The following HSPA5 variants were observed in gnomAD, a reference collection of about 807,000 sequenced individuals.
HSPA5 encodes the protein endoplasmic reticulum chaperone BiP.
A neutral mutation model predicts 49.5 loss-of-function variants in HSPA5; 16 were observed. The observed-to-expected ratio is 0.32, with a 90% CI of 0.22 to 0.49. The LOEUF (loss-of-function observed/expected upper bound fraction) is 0.49. Among genes scored for constraint, HSPA5 ranks in the 20% least tolerant of loss-of-function variants. The pLI, the probability that HSPA5 is intolerant of heterozygous loss-of-function variation, is 0.99. For synonymous variants in HSPA5, 271 were observed against 307.2 expected, an observed-to-expected ratio of 0.88 and a Z score of 1.23; for missense variants, 376 against 819.0, an observed-to-expected ratio of 0.46 and a Z score of 6.60.
chr9:125,240,446 T>C lies in HSPA5; in HGVS notation c.355-137A>G. 2 of 788,520 alleles carry C rather than the reference T, an allele frequency of 2.5e-6. No individual in the cohort carries two copies. Among genetic ancestry groups the C allele is most frequent in the East Asian group, 2.6e-5 (1 of 37,826 alleles). 48.8% of individuals were successfully genotyped at this position (788,520 alleles called of 1,614,324 possible). On this transcript the variant is annotated intron_variant, in intron 2 of 7. Coordinates refer to ENST00000324460, the MANE Select transcript of HSPA5 (RefSeq NM_005347.5). This position sits in a 1 kb window ranked among gnomAD's most constrained non-coding sequence, Gnocchi z 4.4. ...TTGACTAGAAATACTTCAGGGAGTATAGGTGTCTTACAAAGTTCAGTTTTA... is the reference window on the plus strand; with the variant it reads ...TTGACTAGAAATACTTCAGGGAGTACAGGTGTCTTACAAAGTTCAGTTTTA...
Position 125,238,054 on chromosome 9 carries a change from A to T in HSPA5, c.1402+87T>A, listed in dbSNP as rs546211353. On this transcript the variant is annotated intron_variant, in intron 7 of 7. Coordinates refer to ENST00000324460, the MANE Select transcript of HSPA5 (RefSeq NM_005347.5). Reference sequence around the variant, plus strand: ...GAGACAGAATTTGCAGTGAGCCGAGATCGTGCCACTGCAGTCCAGCCTGGG... The same window carrying T: ...GAGACAGAATTTGCAGTGAGCCGAGTTCGTGCCACTGCAGTCCAGCCTGGG... 1.3e-4 allele frequency: 126 copies of T among 997,992 alleles called. No individual in the cohort carries two copies. In the Admixed American group the frequency reaches 1.3e-3, roughly 10 times the overall value. The allele number at this position is 997,992 out of a possible 1,614,324, so 61.8% of individuals were successfully genotyped here.
Position 125,235,061 on chromosome 9 carries a change from G to A in HSPA5, c.*1531C>T, listed in dbSNP as rs1194867510. On this transcript the variant is annotated 3_prime_UTR_variant, in exon 8 of 8. Transcript: ENST00000324460. ...GCCTGAGACCAGTATTCTGCTCAGG[G>A]TCTGCCCAAATGCTTTTCGGGCAGT... 6.6e-6 allele frequency: 1 copy of A among 152,156 alleles called. No homozygotes were observed. The highest frequency in any genetic ancestry group is 2.4e-5 in the African/African-American group (1 of 41,426). 9.4% of individuals were successfully genotyped at this position (152,156 alleles called of 1,614,324 possible). A position where few individuals can be genotyped will look rare whatever the true frequency, so the allele number is the denominator to read the frequency against.
rs1832497237 is a variant in HSPA5, at chr9:125,236,515, T to C, written c.*77A>G. The C allele has an allele frequency of 9.6e-6, 10 of 1,038,960 alleles. No homozygotes were observed. The highest frequency in any genetic ancestry group is 1.4e-5 in the Non-Finnish European group (10 of 710,054). The allele number at this position is 1,038,960 out of a possible 1,614,324, so 64.4% of individuals were successfully genotyped here. A position where few individuals can be genotyped will look rare whatever the true frequency, so the allele number is the denominator to read the frequency against. ...GAAGATTCCAATTACATTCGAGACT[T>C]AAGTTCTTTCAATTTTTTCCTAACA... On this transcript the variant is annotated 3_prime_UTR_variant, in exon 8 of 8. Coordinates refer to ENST00000324460, the MANE Select transcript of HSPA5 (RefSeq NM_005347.5).
In HSPA5 at chr9:125,239,812, C is replaced by G. The variant is rs531282881; in HGVS notation, c.493-279G>C. On this transcript the variant is annotated intron_variant, in intron 3 of 7. Transcript: ENST00000324460. The surrounding 1 kb of genome is among the most constrained non-coding windows in gnomAD (Gnocchi z 5.5). ...CTGAGGCAGGAGAGCTGCTTGAACC[C>G]GGGAGGCAGAGGTTGCAGTGAGCTG... is the stretch of plus-strand genomic sequence containing the variant. Among the ~76,000 whole-genome samples the G allele has an allele frequency of 3.3e-5, 5 of 151,550 alleles. No individual in the cohort carries two copies. The highest frequency in any genetic ancestry group is 9.7e-5 in the African/African-American group (4 of 41,310).
In HSPA5 at chr9:125,236,397, TTC is replaced by T. The variant is rs1588429316; in HGVS notation, c.*193_*194del. The T allele has an allele frequency of 8.2e-6, 4 of 485,526 alleles. No individual in the cohort carries two copies. 30.1% of individuals were successfully genotyped at this position (485,526 alleles called of 1,614,324 possible). A position where few individuals can be genotyped will look rare whatever the true frequency, so the allele number is the denominator to read the frequency against. ...CGCTTTTTAAGATGGCCAATTCTTC[TTC>T]TCCCCCCCACCCAAAGACATGTGAG... On this transcript the variant is annotated 3_prime_UTR_variant, in exon 8 of 8. Coordinates refer to ENST00000324460, the MANE Select transcript of HSPA5 (RefSeq NM_005347.5).
Position 125,240,910 on chromosome 9 carries a change from G to A in HSPA5, c.123-3C>T, listed in dbSNP as rs1192930486. 2 of 1,613,664 alleles carry A rather than the reference G, an allele frequency of 1.2e-6. No homozygotes were observed. The highest frequency in any genetic ancestry group is 2.7e-5 in the African/African-American group (2 of 74,944). On this transcript the variant is annotated splice_region_variant and splice_polypyrimidine_tract_variant and intron_variant, in intron 1 of 7. Coordinates refer to ENST00000324460, the MANE Select transcript of HSPA5 (RefSeq NM_005347.5). The surrounding 1 kb of genome is among the most constrained non-coding windows in gnomAD (Gnocchi z 4.4). ...GGCCGTTCTTGAACACGCCGACGCT[G>A]GCAGAAAAACCCGACAGAGGGACAT...
At chr9:125,238,402 A>G (rs1268876791) in intron 6 of HSPA5, 94 bp from the exon 7 acceptor site, 2 of 1,184,420 alleles carry the variant, frequency 1.7e-6, no homozygotes, top group African/African-American at 1.5e-5. Flanking sequence ...TCTAACACAC[A>G]CATTTTAAAG....
rs1373246412 is a variant in HSPA5, at chr9:125,240,691, C to A, written c.339G>T (p.Lys113Asn). The A allele has an allele frequency of 6.2e-7, 1 of 1,613,406 alleles. No homozygotes were observed. The highest frequency in any genetic ancestry group is 1.3e-5 in the African/African-American group (1 of 75,048). Residue 113 changes from lysine to asparagine, a missense_variant, in exon 2 of 8, where the codon AAG becomes AAT. Lys to Asn is a moderately conservative substitution (Grantham distance 94). This residue lies in a region of HSPA5 where 89 missense variants were observed against 200.0 expected (regional missense o/e 0.44). Coordinates refer to ENST00000324460, the MANE Select transcript of HSPA5 (RefSeq NM_005347.5). The surrounding 1 kb of genome is among the most constrained non-coding windows in gnomAD (Gnocchi z 4.4). ...WNDPSVQQDI[K>N]FLPFKVVEKK... ...CCGGTCGAACCTTGAACGGCAAGAA[C>A]TTGATGTCCTGCTGCACAGACGGGT...
At chr9:125,237,828 G>C (rs574207116) in intron 7 of HSPA5, among the ~76,000 whole-genome samples, 15 of 152,204 alleles carry the variant, frequency 9.9e-5, no homozygotes, top group Non-Finnish European at 1.8e-4. Context: ...TAGATCTGGC[G>C]TGGTGGCTCA....
rs754378668 is a variant in HSPA5 at position 125,238,579 on chromosome 9, T to C, written c.1234+11A>G. The stretch of plus-strand genomic sequence containing the variant: ...TGAATCACTAAGAAAGATGCTGCGA[T>C]GATGACCTACCTGTATCTTGATCAC... On this transcript the variant is annotated intron_variant, in intron 6 of 7. Transcript: ENST00000324460. The C allele has an allele frequency of 1.2e-5, 19 of 1,594,656 alleles. No individual in the cohort carries two copies. In the Middle Eastern group the frequency reaches 1.6e-3, roughly 133 times the overall value.
rs778271031 is a variant in HSPA5 at position 125,238,128 on chromosome 9, C to A, written c.1402+13G>T. On this transcript the variant is annotated intron_variant, in intron 7 of 7. Transcript: ENST00000324460. ...AAAAAAAAGCCATGATATTAACAAACTTAAGTAATTACCTTCATAGACCTT... is the reference window on the plus strand; with the variant it reads ...AAAAAAAAGCCATGATATTAACAAAATTAAGTAATTACCTTCATAGACCTT... 5 of 1,607,146 alleles carry A rather than the reference C, an allele frequency of 3.1e-6. No homozygotes were observed. In the South Asian group the frequency reaches 5.5e-5, roughly 18 times the overall value.
chr9:125,238,486 G>C, intron 6 of HSPA5, 104 bp downstream of exon 6: 2 of 1,049,682 alleles, frequency 1.9e-6, no homozygotes, highest in Non-Finnish European at 2.9e-6. Flanking sequence ...TTTACTAGCT[G>C]TGTGACCTTG....
Position 125,239,655 on chromosome 9 carries a change from G to T in HSPA5, c.493-122C>A. ...GCACTTTGGGAGGCTGAGGCAGGAG[G>T]ATCACCTGAGGGCAGGATTTCAAGA... is the stretch of plus-strand genomic sequence containing the variant. On this transcript the variant is annotated intron_variant, in intron 3 of 7. Coordinates refer to ENST00000324460, the MANE Select transcript of HSPA5 (RefSeq NM_005347.5). The surrounding 1 kb of genome is among the most constrained non-coding windows in gnomAD (Gnocchi z 5.5). The T allele has an allele frequency of 1.4e-6, 1 of 718,140 alleles. No individual in the cohort carries two copies. Among genetic ancestry groups the T allele is most frequent in the Non-Finnish European group, 2.4e-6 (1 of 415,984 alleles). The allele number at this position is 718,140 out of a possible 1,614,324, so 44.5% of individuals were successfully genotyped here.
In HSPA5 at chr9:125,240,110, T is replaced by A; in HGVS notation, c.492+62A>T. ...AACCCTTCACGAAGGCTTCTATACA[T>A]AACAGCCAACCGAGAATACTAATGA... On this transcript the variant is annotated intron_variant, in intron 3 of 7. Transcript: ENST00000324460. The surrounding 1 kb of genome is among the most constrained non-coding windows in gnomAD (Gnocchi z 4.4). 1 of 1,405,708 alleles carries A rather than the reference T, an allele frequency of 7.1e-7. No individual in the cohort carries two copies. Among genetic ancestry groups the A allele is most frequent in the African/African-American group, 1.4e-5 (1 of 69,576 alleles). 87.1% of individuals were successfully genotyped at this position (1,405,708 alleles called of 1,614,324 possible).
At position 125,237,171 on chromosome 9, in the gene HSPA5, G is replaced by GA. The variant is rs1306685581; in HGVS notation, c.1403-18dup. On this transcript the variant is annotated splice_polypyrimidine_tract_variant and intron_variant, in intron 7 of 7. Transcript: ENST00000324460. ...GTCTTTCACCTAGAAGTTACATACA[G>GA]AAAAACTTGTTAGTTGTTACTGACA... 1 of 1,570,566 alleles carries GA rather than the reference G, an allele frequency of 6.4e-7. No homozygotes were observed. The highest frequency in any genetic ancestry group is 1.4e-5 in the African/African-American group (1 of 73,648).
rs990727194 is a variant in HSPA5, at chr9:125,237,239, A to G, written c.1403-85T>C. On this transcript the variant is annotated intron_variant, in intron 7 of 7. Coordinates refer to ENST00000324460, the MANE Select transcript of HSPA5 (RefSeq NM_005347.5). ...ATCCCCGCATTTCAGTCTGAAGCATAAAGTGACACTTTTGGTTTTATCGAG... is the reference window on the plus strand; with the variant it reads ...ATCCCCGCATTTCAGTCTGAAGCATGAAGTGACACTTTTGGTTTTATCGAG... 1.5e-5 allele frequency: 15 copies of G among 999,490 alleles called. No individual in the cohort carries two copies. The African/African-American group carries it at 1.8e-4, about 12-fold the overall frequency. 61.9% of individuals were successfully genotyped at this position (999,490 alleles called of 1,614,324 possible).
chr9:125,241,282 C>A lies in HSPA5; in HGVS notation c.-156G>T. On this transcript the variant is annotated 5_prime_UTR_variant, in exon 1 of 8. Transcript: ENST00000324460. ...TCTAGAAATACAGGCCGCGGCGCTTCCCTCTCACACTCGCGAAACACCCCA... is the reference window on the plus strand; with the variant it reads ...TCTAGAAATACAGGCCGCGGCGCTTACCTCTCACACTCGCGAAACACCCCA... The A allele has an allele frequency of 1.3e-6, 1 of 797,054 alleles. No individual in the cohort carries two copies. The highest frequency in any genetic ancestry group is 1.7e-5 in the South Asian group (1 of 57,266). 49.4% of individuals were successfully genotyped at this position (797,054 alleles called of 1,614,324 possible). A position where few individuals can be genotyped will look rare whatever the true frequency, so the allele number is the denominator to read the frequency against.
Position 125,240,109 on chromosome 9 carries a change from A to G in HSPA5, c.492+63T>C, listed in dbSNP as rs971797699. On this transcript the variant is annotated intron_variant, in intron 3 of 7. Transcript: ENST00000324460. The surrounding 1 kb of genome is among the most constrained non-coding windows in gnomAD (Gnocchi z 4.4). Reference sequence around the variant, plus strand: ...AAACCCTTCACGAAGGCTTCTATACATAACAGCCAACCGAGAATACTAATG... The same window carrying G: ...AAACCCTTCACGAAGGCTTCTATACGTAACAGCCAACCGAGAATACTAATG... 6 of 1,397,158 alleles carry G rather than the reference A, an allele frequency of 4.3e-6. No individual in the cohort carries two copies. The highest frequency in any genetic ancestry group is 1.4e-5 in the African/African-American group (1 of 69,294). The allele number at this position is 1,397,158 out of a possible 1,614,324, so 86.5% of individuals were successfully genotyped here.
In HSPA5 at chr9:125,240,542, T is replaced by C. The variant is rs964631035; in HGVS notation, c.354+134A>G. ...TGTCTTAAGTTTTGTAACATACTAA[T>C]AGTATTAAAGTTATTACATACATCA... On this transcript the variant is annotated intron_variant, in intron 2 of 7. Transcript: ENST00000324460. The surrounding 1 kb of genome is among the most constrained non-coding windows in gnomAD (Gnocchi z 4.4). 1.3e-6 allele frequency: 1 copy of C among 755,370 alleles called. No individual in the cohort carries two copies. The highest frequency in any genetic ancestry group is 2.2e-6 in the Non-Finnish European group (1 of 458,082). The allele number at this position is 755,370 out of a possible 1,614,324, so 46.8% of individuals were successfully genotyped here.
Sources: allele counts gnomAD v4.1 joint callset (sites outside exome capture counted in the v4.1 genomes callset), GRCh38; gene constraint gnomAD v4.1.1; regional missense constraint gnomAD v4.1.1; non-coding constraint Gnocchi (gnomAD v3.1); transcripts MANE v1.5; gene names NCBI Gene and HGNC (gene_info 2026-07-23, HGNC 2026-07-21).